CNTN4: variants seen among roughly 807,000 people sequenced by gnomAD.
CNTN4 encodes contactin 4.
Under a neutral mutation model 122.5 loss-of-function variants are expected in CNTN4, and 77 were observed. The ratio of observed to expected loss-of-function variants is 0.63; its 90% CI spans 0.52 to 0.76. CNTN4 has a LOEUF of 0.76. CNTN4 is among the 30% of genes least tolerant of loss of function. The probability of loss-of-function intolerance (pLI) is 0.00; values close to 1 mark genes in which losing one functional copy is unlikely to be tolerated. For missense variants in CNTN4, 1,256 were observed against 1,259.1 expected (o/e 1.00, Z 0.04); for synonymous variants, 512 against 447.0 (o/e 1.15, Z -1.83).
intron 23 of CNTN4, among the ~76,000 whole-genome samples, chr3:3,052,976 C>G (rs1426939948): frequency 2.0e-5 from 3 of 152,210 alleles, no homozygotes; most frequent in Non-Finnish European, 4.4e-5. Flanking sequence ...TTCAGAGATA[C>G]TATTTCTTAC....
rs78453790 is a variant in CNTN4 at position 2,932,609 on chromosome 3, A to G, written c.1358+6830A>G. ...GCTTAATGAAAAAGTGAGGGAGGCA[A>G]GTCTTAATCGGTAGAGGTTTATTTC... On this transcript the variant is annotated intron_variant, in intron 13 of 24. Coordinates refer to ENST00000418658, the MANE Select transcript of CNTN4 (RefSeq NM_175607.3). Among the ~76,000 whole-genome samples, 142 of 152,176 alleles carry G rather than the reference A, an allele frequency of 9.3e-4. 4 individuals carry two copies. The East Asian group carries it at 0.027, about 29-fold the overall frequency.
chr3:2,630,649 A>C (rs1056908307), intron 4 of CNTN4, among the ~76,000 whole-genome samples: 1 of 152,018 alleles, frequency 6.6e-6, no homozygotes, highest in Non-Finnish European at 1.5e-5. Context: ...CTGTAATTAT[A>C]GTAAAATTTG....
chr3:2,315,641 C>T (rs1446651226), intron 2 of CNTN4, among the ~76,000 whole-genome samples: 1 of 151,762 alleles, frequency 6.6e-6, no homozygotes, highest in East Asian at 1.9e-4. Context: ...CTGAACTGGC[C>T]CATTTTTAGC....
At chr3:2,338,641 C>T (rs892497795) in intron 2 of CNTN4, among the ~76,000 whole-genome samples, 2 of 151,712 alleles carry the variant, frequency 1.3e-5, no homozygotes, top group South Asian at 2.1e-4. Flanking sequence ...AAATTTAGTT[C>T]TTCAGGGAAA....
intron 4 of CNTN4, among the ~76,000 whole-genome samples, chr3:2,724,978 G>T (rs533692175): frequency 7.9e-5 from 12 of 152,282 alleles, no homozygotes; most frequent in African/African-American, 2.2e-4. Flanking sequence ...GACAACTCTG[G>T]ATTATAGTAC....
At chr3:3,037,441 C>A in intron 18 of CNTN4, 113 bp downstream of exon 18, 1 of 1,405,014 alleles carries the variant, frequency 7.1e-7, no homozygotes, top group Non-Finnish European at 1.0e-6. Flanking sequence ...TTAGCTCACC[C>A]TTCCCTTTAA....
At chr3:2,778,162 C>A (rs1365753521) in intron 6 of CNTN4, among the ~76,000 whole-genome samples, 1 of 139,654 alleles carries the variant, frequency 7.2e-6, no homozygotes, top group Non-Finnish European at 1.5e-5. Flanking sequence ...TGTGGTGAGC[C>A]GAGATCGCGC....
At chr3:2,507,239 C>T (rs955757961) in intron 3 of CNTN4, among the ~76,000 whole-genome samples, 1 of 152,056 alleles carries the variant, frequency 6.6e-6, no homozygotes, top group Non-Finnish European at 1.5e-5. Flanking sequence ...ACATATTGAG[C>T]CAGATAATTC....
At chr3:2,148,261 C>T (rs905883397) in intron 2 of CNTN4, among the ~76,000 whole-genome samples, 7 of 152,130 alleles carry the variant, frequency 4.6e-5, no homozygotes, top group African/African-American at 1.7e-4. Flanking sequence ...AGGCCGGGCG[C>T]AGTGGCTCCC....
At chr3:2,373,273 C>T (rs1404335820) in intron 3 of CNTN4, among the ~76,000 whole-genome samples, 2 of 152,134 alleles carry the variant, frequency 1.3e-5, no homozygotes, top group Non-Finnish European at 2.9e-5. Context: ...AGTTGCACTC[C>T]TTGGGCAGGA....
intron 4 of CNTN4, among the ~76,000 whole-genome samples, chr3:2,668,361 A>G (rs1018337212): frequency 6.6e-6 from 1 of 152,152 alleles, no homozygotes; most frequent in Non-Finnish European, 1.5e-5. Context: ...GCAATTGTGA[A>G]TGGGAGTTCA....
rs569940737 is a variant in CNTN4 at position 2,238,965 on chromosome 3, T to A, written c.-144-100213T>A. The A allele has an allele frequency of 3.4e-5, 5 of 148,122 alleles. No homozygotes were observed. The South Asian group carries it at 1.1e-3, about 33-fold the overall frequency. The allele number at this position is 148,122 out of a possible 1,614,324, so 9.2% of individuals were successfully genotyped here. On this transcript the variant is annotated intron_variant, in intron 2 of 24. Transcript: ENST00000418658. ...TGGTCTCGATCTCCTGACCTCGTGA[T>A]CCGCCCGCCTCGGCCTCCCAAAGTG...
intron 8 of CNTN4, among the ~76,000 whole-genome samples, chr3:2,872,814 A>G (rs567752724): frequency 6.6e-6 from 1 of 152,254 alleles, no homozygotes; most frequent in Admixed American, 6.5e-5. Flanking sequence ...TCAAATGTAA[A>G]GTTAACTTCT....
chr3:2,681,406 C>T (rs1484483782), intron 4 of CNTN4, among the ~76,000 whole-genome samples: 1 of 152,122 alleles, frequency 6.6e-6, no homozygotes, highest in Admixed American at 6.6e-5. Flanking sequence ...CACATGGGCT[C>T]TCAAATACCT....
intron 3 of CNTN4, among the ~76,000 whole-genome samples, chr3:2,477,128 C>G (rs2075857138): frequency 6.6e-6 from 1 of 152,138 alleles, no homozygotes; most frequent in South Asian, 2.1e-4. Context: ...CTGGCACAGG[C>G]TGGGTTCCTC....
intron 4 of CNTN4, among the ~76,000 whole-genome samples, chr3:2,609,093 A>G (rs1254858037): frequency 6.6e-6 from 1 of 152,262 alleles, no homozygotes; most frequent in Non-Finnish European, 1.5e-5. Flanking sequence ...TTCTTAGAGA[A>G]TAAATATTAA....
At chr3:2,509,666 G>C (rs759495107) in intron 3 of CNTN4, among the ~76,000 whole-genome samples, 11 of 152,132 alleles carry the variant, frequency 7.2e-5, no homozygotes, top group Non-Finnish European at 8.8e-5. Flanking sequence ...ATTGAGTAAG[G>C]CATCACGAAA....
At chr3:2,394,994 C>G (rs2046589983) in intron 3 of CNTN4, among the ~76,000 whole-genome samples, 1 of 151,930 alleles carries the variant, frequency 6.6e-6, no homozygotes, top group African/African-American at 2.4e-5. Flanking sequence ...ACCATGTTGG[C>G]CAGGCTGGTC....
chr3:2,306,606 C>G (rs1291020300), intron 2 of CNTN4, among the ~76,000 whole-genome samples: 4 of 152,010 alleles, frequency 2.6e-5, no homozygotes, highest in Non-Finnish European at 4.4e-5. Flanking sequence ...CTTGGAGCGT[C>G]TTGAATTTCC....
Sources: gnomAD v4.1 joint callset for allele counts (sites outside exome capture counted in the v4.1 genomes callset) on GRCh38, gnomAD v4.1.1 for gene constraint, MANE v1.5 for transcripts, NCBI Gene and HGNC (gene_info 2026-07-23, HGNC 2026-07-21) for gene names.